EIF3L: variants seen among roughly 807,000 people sequenced by gnomAD.
The protein encoded by EIF3L is eukaryotic translation initiation factor 3 subunit L.
EIF3L carries 32 observed loss-of-function variants against 74.6 expected under a neutral mutation model. That is an observed-to-expected ratio of 0.43 (90% CI 0.32 to 0.58). The LOEUF (loss-of-function observed/expected upper bound fraction) is 0.58, where lower values mean the gene tolerates loss of function less well. Among genes scored for constraint, EIF3L ranks in the 20% least tolerant of loss-of-function variants. The probability of loss-of-function intolerance (pLI) is 0.06; values close to 1 mark genes in which losing one functional copy is unlikely to be tolerated. For synonymous variants in EIF3L, 256 were observed against 254.4 expected (o/e 1.01, Z -0.06); for missense variants, 474 against 707.8 (o/e 0.67, Z 3.75).
At chr22:37,867,466 C>G (rs1222537409) in intron 7 of EIF3L, among the ~76,000 whole-genome samples, 1 of 151,898 alleles carries the variant, frequency 6.6e-6, no homozygotes, top group African/African-American at 2.4e-5. Flanking sequence ...CGAGACCAGC[C>G]TGGCCAACAT....
intron 7 of EIF3L, among the ~76,000 whole-genome samples, chr22:37,867,733 T>C (rs1329214659): frequency 6.7e-6 from 1 of 148,834 alleles, no homozygotes; most frequent in Admixed American, 6.7e-5. Flanking sequence ...GGCAGGCGGA[T>C]CATGAGGTCA....
chr22:37,876,254 C>T (rs796617444), intron 10 of EIF3L: 4 of 411,776 alleles, frequency 9.7e-6, no homozygotes, highest in South Asian at 5.4e-5. Context: ...CTTAGTCTTC[C>T]GAATAGCTGG....
At chr22:37,878,214 A>G in intron 11 of EIF3L, 43 bp downstream of exon 11, 4 of 1,537,468 alleles carry the variant, frequency 2.6e-6, no homozygotes, top group Non-Finnish European at 3.5e-6. Context: ...TTAAGTGTTC[A>G]GTATCTTTCA....
intron 4 of EIF3L, among the ~76,000 whole-genome samples, chr22:37,857,294 C>T (rs1222076673): frequency 6.1e-5 from 8 of 131,286 alleles, no homozygotes; most frequent in Admixed American, 9.0e-5. Flanking sequence ...GGCGTGAACC[C>T]GGGAGGCAGA....
intron 8 of EIF3L, among the ~76,000 whole-genome samples, chr22:37,873,103 C>T (rs916927195): frequency 1.3e-5 from 2 of 151,738 alleles, no homozygotes; most frequent in Admixed American, 6.6e-5. Context: ...ATTCTCCTGC[C>T]TCAGCCTCCC....
Position 37,889,159 on chromosome 22 carries a change from C to T in EIF3L, c.*695C>T, listed in dbSNP as rs538809717. ...CCACCTCCCAGGTTCCTGCCATTCT[C>T]CTGCCTCAGCCTCCCAAGTAGCTGG... On this transcript the variant is annotated 3_prime_UTR_variant, in exon 13 of 13. Transcript: ENST00000652021. 6.6e-6 allele frequency: 1 copy of T among 152,158 alleles called. No homozygotes were observed. Among genetic ancestry groups the T allele is most frequent in the African/African-American group, 2.4e-5 (1 of 41,470 alleles). The allele number at this position is 152,158 out of a possible 1,614,324, so 9.4% of individuals were successfully genotyped here.
rs1230891112 is a variant in EIF3L at position 37,851,494 on chromosome 22, T to C, written c.293+4T>C. On this transcript the variant is annotated splice_donor_region_variant and intron_variant, in intron 3 of 12. Transcript: ENST00000652021. ...TCCAGGACATCTATGAGAACAGGTA[T>C]GGGCTACTGGCTGAAAGGGCCTCTT... The C allele has an allele frequency of 6.4e-7, 1 of 1,553,094 alleles. No homozygotes were observed. Among genetic ancestry groups the C allele is most frequent in the African/African-American group, 1.4e-5 (1 of 70,790 alleles).
intron 7 of EIF3L, among the ~76,000 whole-genome samples, chr22:37,869,270 A>G (rs879670878): frequency 6.6e-5 from 10 of 152,276 alleles, no homozygotes; most frequent in Admixed American, 3.9e-4. Flanking sequence ...CGGAGACTGC[A>G]GGTGCCTGCC....
intron 11 of EIF3L, chr22:37,885,346 A>C (rs1268479359): frequency 6.6e-6 from 1 of 152,094 alleles, no homozygotes; most frequent in Non-Finnish European, 1.5e-5. Context: ...TAGTTTAACA[A>C]AACATTTCTC....
rs1311378746 is a variant in EIF3L at position 37,850,054 on chromosome 22, A to G, written c.73A>G (p.Met25Val). ...CTACGCTTATCCCAGCGACTATGAT[A>G]TGCACACAGGTGAGACCACGGGTTA... ...DPYAYPSDYD[M>V]HTGDPKQDLA... The change falls in exon 2 of 13, where the codon ATG becomes GTG. Residue 25 changes from methionine (M) to valine (V), a missense_variant. By Grantham distance (21) the Met-to-Val change is conservative. Around this residue, in one of 4 missense-constraint regions of EIF3L, gnomAD observed 141 missense variants for 197.7 expected, o/e 0.71. Transcript: ENST00000652021. The G allele has an allele frequency of 1.2e-6, 2 of 1,613,552 alleles. No individual in the cohort carries two copies. Among genetic ancestry groups the G allele is most frequent in the Admixed American group, 1.7e-5 (1 of 59,976 alleles).
intron 8 of EIF3L, chr22:37,871,153 C>T (rs1356421489): frequency 6.6e-6 from 1 of 151,812 alleles, no homozygotes; most frequent in Non-Finnish European, 1.5e-5. Context: ...GAAAATCTGG[C>T]TTCACACGGT....
chr22:37,875,264 G>A (rs1238218393), intron 9 of EIF3L, among the ~76,000 whole-genome samples: 4 of 151,506 alleles, frequency 2.6e-5, no homozygotes, highest in African/African-American at 4.8e-5. Flanking sequence ...TGTAATCCCA[G>A]CTACTCAGGA....
intron 12 of EIF3L, 192 bp from the exon 13 acceptor site, chr22:37,888,234 A>G: frequency 1.8e-6 from 1 of 555,708 alleles, no homozygotes; most frequent in South Asian, 2.6e-5. Context: ...CAGATAAAAG[A>G]ATAATCCGCG....
chr22:37,855,544 G>C (rs750016379), intron 3 of EIF3L, 21 bp from the exon 4 acceptor site: 2 of 1,611,480 alleles, frequency 1.2e-6, no homozygotes, highest in African/African-American at 1.3e-5. Context: ...GAATTTTAGA[G>C]ATTTTTTTCT....
In EIF3L at chr22:37,851,359, C is replaced by T. The variant is rs1292850464; in HGVS notation, c.162C>T (p.Asn54=). Residue 54 remains asparagine (N), a synonymous_variant, in exon 3 of 13, where the codon AAC becomes AAT. Coordinates refer to ENST00000652021, the MANE Select transcript of EIF3L (RefSeq NM_016091.4). ...TYQVIPEVIK[N]FIQYFHKTVS... is the part of the protein sequence containing the mutation. ...AGGTGATCCCTGAGGTGATCAAAAACTTCATCCAGTATTTCCACAAAACTG... is the reference window on the plus strand; with the variant it reads ...AGGTGATCCCTGAGGTGATCAAAAATTTCATCCAGTATTTCCACAAAACTG... 3.7e-6 allele frequency: 6 copies of T among 1,614,168 alleles called. No homozygotes were observed. The South Asian group carries it at 6.6e-5, about 18-fold the overall frequency.
chr22:37,873,316 T>G (rs1310096602), intron 8 of EIF3L, among the ~76,000 whole-genome samples: 1 of 151,138 alleles, frequency 6.6e-6, no homozygotes, highest in African/African-American at 2.4e-5. Context: ...TTTTTTTTTT[T>G]GAGGTGGAGT....
chr22:37,869,236 C>T (rs550783148), intron 7 of EIF3L, among the ~76,000 whole-genome samples: 1 of 152,308 alleles, frequency 6.6e-6, no homozygotes, highest in Admixed American at 6.5e-5. Context: ...TCAGGCAAAG[C>T]CCGTACCTCA....
At chr22:37,872,443 AT>A (rs1179387484) in intron 8 of EIF3L, among the ~76,000 whole-genome samples, 1 of 152,138 alleles carries the variant, frequency 6.6e-6, no homozygotes, top group African/African-American at 2.4e-5. Context: ...TTCTAAAAAA[AT>A]ATTGGTTCTC....
intron 2 of EIF3L, 150 bp from the exon 3 acceptor site, chr22:37,851,130 T>C (rs1569109101): frequency 1.6e-6 from 1 of 618,046 alleles, no homozygotes; most frequent in Non-Finnish European, 2.8e-6. Flanking sequence ...GACAACGAGA[T>C]TGGGAGTGAC....
Sources: gnomAD v4.1 joint callset for allele counts (sites outside exome capture counted in the v4.1 genomes callset) on GRCh38, gnomAD v4.1.1 for gene constraint, gnomAD v4.1.1 regional missense constraint, MANE v1.5 for transcripts, NCBI Gene and HGNC (gene_info 2026-07-23, HGNC 2026-07-21) for gene names.